ARHGEF17: variants seen among roughly 807,000 people sequenced by gnomAD.
ARHGEF17 encodes the protein Rho guanine nucleotide exchange factor 17, also known as 164 kDa Rho-specific guanine-nucleotide exchange factor.
A neutral mutation model predicts 174.0 loss-of-function variants in ARHGEF17; 80 were observed. That is an observed-to-expected ratio of 0.46 (90% CI 0.38 to 0.55). The LOEUF (loss-of-function observed/expected upper bound fraction) is 0.55, where lower values mean the gene tolerates loss of function less well. Among genes scored for constraint, ARHGEF17 ranks in the 20% least tolerant of loss-of-function variants. ARHGEF17 has a pLI of 0.00. For synonymous variants in ARHGEF17, 1,311 were observed against 1,189.1 expected (o/e 1.10, Z -2.11); for missense variants, 2,886 against 2,839.7 (o/e 1.02, Z -0.37).
intron 9 of ARHGEF17, among the ~76,000 whole-genome samples, chr11:73,358,341 C>T (rs993253721): frequency 6.6e-6 from 1 of 152,132 alleles, no homozygotes; most frequent in Non-Finnish European, 1.5e-5. Context: ...CAGAGGGTGC[C>T]TTCTATGTGT....
At chr11:73,340,553 C>T (rs1433891575) in intron 1 of ARHGEF17, among the ~76,000 whole-genome samples, 5 of 152,322 alleles carry the variant, frequency 3.3e-5, no homozygotes, top group African/African-American at 9.6e-5. Context: ...CCCCATCCCA[C>T]TGGAACTAGT....
chr11:73,360,397 G>A lies in ARHGEF17; in HGVS notation c.4284G>A (p.Ala1428=), dbSNP rs147554780. 1.4e-4 allele frequency: 231 copies of A among 1,613,934 alleles called. No individual in the cohort carries two copies. In the African/African-American group the frequency reaches 2.3e-3, roughly 16 times the overall value. The change falls in exon 11 of 21, where the codon GCG becomes GCA. Residue 1428 remains alanine (A), a synonymous_variant. Coordinates refer to ENST00000263674, the MANE Select transcript of ARHGEF17 (RefSeq NM_014786.4). ...DLSEKQALCY[A]LSFPPTKLEL... is the part of the protein sequence containing the mutation. ...CGGAGAAGCAGGCGCTGTGCTACGC[G>A]CTTTCCTTCCCGCCAACCAAGCTGG... is the stretch of plus-strand genomic sequence containing the variant.
chr11:73,329,626 C>T (rs1309503797), intron 1 of ARHGEF17, among the ~76,000 whole-genome samples: 1 of 151,708 alleles, frequency 6.6e-6, no homozygotes, highest in East Asian at 1.9e-4. Flanking sequence ...CCTTGAACTC[C>T]TGACTTCAGG....
intron 1 of ARHGEF17, among the ~76,000 whole-genome samples, chr11:73,317,112 G>A (rs544665966): frequency 1.2e-4 from 19 of 152,236 alleles, no homozygotes; most frequent in South Asian, 1.0e-3. Context: ...TGGGCTTTGC[G>A]CTACACTGGC....
chr11:73,321,079 T>G (rs1565190132), intron 1 of ARHGEF17, among the ~76,000 whole-genome samples: 1 of 152,194 alleles, frequency 6.6e-6, no homozygotes, highest in Non-Finnish European at 1.5e-5. Context: ...CTAAGATTCT[T>G]GGCTGCTGGG....
At chr11:73,360,992 G>T in intron 11 of ARHGEF17, 96 bp from the exon 12 acceptor site, 1 of 1,011,732 alleles carries the variant, frequency 9.9e-7, no homozygotes, top group South Asian at 1.5e-5. Context: ...AGACCCTGAG[G>T]GGCAGGGGAG....
At position 73,311,075 on chromosome 11, in the gene ARHGEF17, G is replaced by A. The variant is rs755852303; in HGVS notation, c.2437G>A (p.Val813Met). 4.3e-6 allele frequency: 7 copies of A among 1,612,244 alleles called. No homozygotes were observed. The highest frequency in any genetic ancestry group is 3.4e-6 in the Non-Finnish European group (4 of 1,178,482). Residue 813 changes from valine to methionine, a missense_variant, in exon 1 of 21, where the codon GTG becomes ATG. Physicochemically the swap from Val to Met is conservative, Grantham distance 21. Transcript: ENST00000263674. The stretch of plus-strand genomic sequence containing the variant: ...TCAGGGGCCTGGCACCCTGGGGCGT[G>A]TGGTGGACGACAGGATTGCTGGCAA... The part of the protein sequence containing the change: ...IVQGPGTLGR[V>M]VDDRIAGKAP...
In ARHGEF17 at chr11:73,365,656, T is replaced by TGTG; in HGVS notation, c.5726-19_5726-17dup. The TGTG allele has an allele frequency of 6.2e-7, 1 of 1,609,656 alleles. No individual in the cohort carries two copies. Among genetic ancestry groups the TGTG allele is most frequent in the South Asian group, 1.1e-5 (1 of 91,046 alleles). On this transcript the variant is annotated intron_variant, in intron 19 of 20. Transcript: ENST00000263674. This position sits in a 1 kb window ranked among gnomAD's most constrained non-coding sequence, Gnocchi z 4.9. ...GCCAGGGCCAGAATTCAGCCCCAGC[T>TGTG]GTGGTCTGTCTCCCACCCCAGGCTC...
At chr11:73,338,246 A>G (rs1437216352) in intron 1 of ARHGEF17, among the ~76,000 whole-genome samples, 1 of 152,180 alleles carries the variant, frequency 6.6e-6, no homozygotes, top group East Asian at 1.9e-4. Context: ...GGAGAGACTG[A>G]GGCCCCAAGA....
At chr11:73,366,999 G>C (rs981886316) in intron 20 of ARHGEF17, among the ~76,000 whole-genome samples, 2 of 152,122 alleles carry the variant, frequency 1.3e-5, no homozygotes, top group Non-Finnish European at 2.9e-5. Flanking sequence ...AAGAGTATGT[G>C]CCATTGCACT....
chr11:73,335,950 A>G (rs1278854128), intron 1 of ARHGEF17, among the ~76,000 whole-genome samples: 1 of 152,220 alleles, frequency 6.6e-6, no homozygotes, highest in East Asian at 1.9e-4. Flanking sequence ...ATGTCAAGAG[A>G]CCTGGTCTCT....
At chr11:73,360,648 G>C in intron 11 of ARHGEF17, 115 bp downstream of exon 11, 1 of 1,111,350 alleles carries the variant, frequency 9.0e-7, no homozygotes, top group Non-Finnish European at 1.3e-6. Flanking sequence ...CTGTGCTCCG[G>C]CTCCACCTGG....
At chr11:73,360,177 C>T (rs1865712994) in intron 10 of ARHGEF17, 143 bp from the exon 11 acceptor site, 2 of 970,852 alleles carry the variant, frequency 2.1e-6, no homozygotes, top group Non-Finnish European at 3.0e-6. Context: ...GCCCCATCCC[C>T]CATATATCAA....
At position 73,309,659 on chromosome 11, in the gene ARHGEF17, C is replaced by T. The variant is rs375234185; in HGVS notation, c.1021C>T (p.Leu341Phe). 2.5e-6 allele frequency: 4 copies of T among 1,613,112 alleles called. No homozygotes were observed. Among genetic ancestry groups the T allele is most frequent in the Non-Finnish European group, 3.4e-6 (4 of 1,180,020 alleles). Residue 341 changes from leucine (L) to phenylalanine (F), a missense_variant, in exon 1 of 21, where the codon CTC (leucine) becomes TTC (phenylalanine). By Grantham distance (22) the Leu-to-Phe change is conservative. Coordinates refer to ENST00000263674, the MANE Select transcript of ARHGEF17 (RefSeq NM_014786.4). ...TSPRAPREEG[L>F]REWGSGSPPC... ...TCCAAGAGCCCCTAGAGAAGAAGGA[C>T]TCCGGGAGTGGGGTAGTGGCTCTCC... is the stretch of plus-strand genomic sequence containing the variant.
In ARHGEF17 at chr11:73,309,536, T is replaced by A; in HGVS notation, c.898T>A (p.Ser300Thr). Residue 300 changes from serine to threonine, a missense_variant, in exon 1 of 21, where the codon TCC becomes ACC. Physicochemically the swap from Ser to Thr is moderately conservative, Grantham distance 58. This residue lies in a region of ARHGEF17 where 1,728 missense variants were observed against 1,461.2 expected (regional missense o/e 1.18). Transcript: ENST00000263674. The part of the protein sequence containing the change: ...GGRPGLRPGS[S>T]LLDQDCRPDS... ...GAGGCCCGGGCTCAGGCCTGGAAGC[T>A]CCCTATTGGATCAGGACTGCAGGCC... 3.2e-6 allele frequency: 5 copies of A among 1,586,030 alleles called. No homozygotes were observed. The highest frequency in any genetic ancestry group is 4.3e-6 in the Non-Finnish European group (5 of 1,161,072).
intron 3 of ARHGEF17, 148 bp downstream of exon 3, chr11:73,353,160 C>A: frequency 9.5e-7 from 1 of 1,055,298 alleles, no homozygotes; most frequent in Non-Finnish European, 1.4e-6. Flanking sequence ...GACATTGGTA[C>A]TTACCCCAGC....
chr11:73,342,572 C>T (rs1865387022), intron 1 of ARHGEF17, among the ~76,000 whole-genome samples: 1 of 152,110 alleles, frequency 6.6e-6, no homozygotes, highest in Non-Finnish European at 1.5e-5. Flanking sequence ...CTTGTGCATA[C>T]GGGTCCAGGC....
chr11:73,308,830 G>A lies in ARHGEF17; in HGVS notation c.192G>A (p.Gly64=). The change falls in exon 1 of 21, where the codon GGG becomes GGA. Residue 64 remains glycine, a synonymous_variant. Coordinates refer to ENST00000263674, the MANE Select transcript of ARHGEF17 (RefSeq NM_014786.4). ...PSRRVSKLAS[G]PLAAPAQPRP... ...GGCGCGTGTCCAAGCTGGCGTCTGGGCCCCTGGCCGCCCCCGCGCAGCCGC... is the reference window on the plus strand; with the variant it reads ...GGCGCGTGTCCAAGCTGGCGTCTGGACCCCTGGCCGCCCCCGCGCAGCCGC... 2 of 1,340,194 alleles carry A rather than the reference G, an allele frequency of 1.5e-6. No homozygotes were observed. Among genetic ancestry groups the A allele is most frequent in the Non-Finnish European group, 1.9e-6 (2 of 1,052,326 alleles). 83.0% of individuals were successfully genotyped at this position (1,340,194 alleles called of 1,614,324 possible).
intron 1 of ARHGEF17, among the ~76,000 whole-genome samples, chr11:73,339,790 CT>C (rs957706675): frequency 1.3e-5 from 2 of 152,144 alleles, no homozygotes; most frequent in Admixed American, 6.5e-5. Context: ...GAGCAGAGCC[CT>C]TTTTCCCCCT....
Sources: allele counts gnomAD v4.1 joint callset (sites outside exome capture counted in the v4.1 genomes callset), GRCh38; gene constraint gnomAD v4.1.1; regional missense constraint gnomAD v4.1.1; non-coding constraint Gnocchi (gnomAD v3.1); transcripts MANE v1.5; gene names NCBI Gene and HGNC (gene_info 2026-07-23, HGNC 2026-07-21).